Variants in RBFOX1 observed in about 807,000 individuals in gnomAD.
RBFOX1 encodes RNA binding protein fox-1 homolog 1.
RBFOX1 carries 8 observed loss-of-function variants against 57.7 expected under a neutral mutation model. The observed-to-expected ratio is 0.14, with a 90% CI of 0.08 to 0.25. RBFOX1 has a LOEUF of 0.25. Among genes scored for constraint, RBFOX1 ranks in the 10% least tolerant of loss-of-function variants. The probability of loss-of-function intolerance (pLI) is 1.00; values close to 1 mark genes in which losing one functional copy is unlikely to be tolerated. For synonymous variants in RBFOX1, 326 were observed against 222.4 expected (o/e 1.47, Z -4.15); for missense variants, 611 against 548.5 (o/e 1.11, Z -1.14).
intron 2 of RBFOX1, among the ~76,000 whole-genome samples, chr16:6,637,855 C>T (rs976834269): frequency 1.3e-5 from 2 of 152,000 alleles, no homozygotes; most frequent in South Asian, 2.1e-4. Flanking sequence ...AATTCTGAAA[C>T]TCATCATCCA....
At chr16:7,574,682 G>C (rs1156861009) in intron 5 of RBFOX1, among the ~76,000 whole-genome samples, 1 of 152,092 alleles carries the variant, frequency 6.6e-6, no homozygotes, top group Non-Finnish European at 1.5e-5. Flanking sequence ...ATTGAGGGTG[G>C]GTTGGCCAGT....
rs139776144 is a variant in RBFOX1, at chr16:7,020,510, C to T, written c.-15-31547C>T. Among the ~76,000 whole-genome samples, 67 of 152,168 alleles carry T rather than the reference C, an allele frequency of 4.4e-4. 1 individual carries two copies. The highest frequency in any genetic ancestry group is 1.4e-3 in the African/African-American group (59 of 41,526). On this transcript the variant is annotated intron_variant, in intron 3 of 15. Transcript: ENST00000550418. ...CTGGGATTTCAGGCGTCAGCCACCG[C>T]GCCCAGCCAATCTAAAATATTTTCA...
chr16:6,179,268 G>A (rs1246933259), intron 1 of RBFOX1, among the ~76,000 whole-genome samples: 1 of 152,118 alleles, frequency 6.6e-6, no homozygotes, highest in African/African-American at 2.4e-5. Flanking sequence ...GATGATGTAG[G>A]CAATTTCTTA....
At chr16:6,628,929 C>T (rs1024644210) in intron 2 of RBFOX1, among the ~76,000 whole-genome samples, 3 of 152,150 alleles carry the variant, frequency 2.0e-5, no homozygotes, top group African/African-American at 7.2e-5. Flanking sequence ...ACTAGGGAGG[C>T]TGAGACAGGA....
chr16:6,973,527 G>A (rs1014707759), intron 3 of RBFOX1, among the ~76,000 whole-genome samples: 1 of 152,176 alleles, frequency 6.6e-6, no homozygotes. Context: ...GAAGCTCAAC[G>A]TTGATTTTTC....
chr16:7,140,850 G>A (rs1051159106), intron 4 of RBFOX1, among the ~76,000 whole-genome samples: 2 of 152,214 alleles, frequency 1.3e-5, no homozygotes, highest in African/African-American at 4.8e-5. Flanking sequence ...GACTCCAGGA[G>A]CAGGATTTCA....
At chr16:5,283,683 G>T (rs922591083) in intron 1 of RBFOX1, among the ~76,000 whole-genome samples, 5 of 152,122 alleles carry the variant, frequency 3.3e-5, no homozygotes, top group Non-Finnish European at 7.4e-5. Context: ...CTTTGTTTTG[G>T]CAATTTTCTC....
chr16:5,678,206 G>A (rs981444329), intron 3 of RBFOX1, among the ~76,000 whole-genome samples: 1 of 152,170 alleles, frequency 6.6e-6, no homozygotes, highest in East Asian at 1.9e-4. Flanking sequence ...GCAGCCCACA[G>A]ATGCAGGGAG....
intron 1 of RBFOX1, among the ~76,000 whole-genome samples, chr16:5,357,626 C>G (rs908962329): frequency 5.3e-5 from 8 of 152,166 alleles, no homozygotes; most frequent in African/African-American, 1.9e-4. Context: ...TAACAAACTC[C>G]CAGGTGATGG....
At chr16:7,221,383 A>G (rs867398678) in intron 4 of RBFOX1, among the ~76,000 whole-genome samples, 1 of 151,168 alleles carries the variant, frequency 6.6e-6, no homozygotes, top group Non-Finnish European at 1.5e-5. Context: ...TTATTTATTT[A>G]TGAGACAGAG....
chr16:7,335,430 A>G (rs1457726095), intron 4 of RBFOX1, among the ~76,000 whole-genome samples: 1 of 152,206 alleles, frequency 6.6e-6, no homozygotes, highest in East Asian at 1.9e-4. Flanking sequence ...CATAGTGTCC[A>G]CTTGGAAGGA....
At chr16:5,773,917 C>T (rs1305365165) in intron 3 of RBFOX1, among the ~76,000 whole-genome samples, 2 of 152,122 alleles carry the variant, frequency 1.3e-5, no homozygotes, top group African/African-American at 4.8e-5. Flanking sequence ...TGGTCTCGAT[C>T]TACTGACCTC....
At chr16:5,993,815 G>A (rs1194276740) in intron 4 of RBFOX1, among the ~76,000 whole-genome samples, 4 of 152,120 alleles carry the variant, frequency 2.6e-5, no homozygotes, top group South Asian at 2.1e-4. Context: ...CGAATGGTTC[G>A]TTTAAGTTAA....
intron 1 of RBFOX1, among the ~76,000 whole-genome samples, chr16:6,288,134 T>G (rs537273939): frequency 6.6e-6 from 1 of 152,292 alleles, no homozygotes; most frequent in South Asian, 2.1e-4. Context: ...TCTCATTCAG[T>G]TTACAAACAG....
At position 7,049,060 on chromosome 16, in the gene RBFOX1, G is replaced by C. The variant is rs558318447; in HGVS notation, c.-15-2997G>C. 5.9e-5 allele frequency among the ~76,000 whole-genome samples: 9 copies of C among 152,266 alleles called. No individual in the cohort carries two copies. The South Asian group carries it at 1.0e-3, about 18-fold the overall frequency. On this transcript the variant is annotated intron_variant, in intron 3 of 15. Transcript: ENST00000550418. Reference sequence around the variant, plus strand: ...ATTTTAGGGTCAGATACAGACATGAGCACAGAGGTCAGTGCAGGAGTTTAT... The same window carrying C: ...ATTTTAGGGTCAGATACAGACATGACCACAGAGGTCAGTGCAGGAGTTTAT...
At chr16:5,644,271 A>G (rs1458905151) in intron 3 of RBFOX1, among the ~76,000 whole-genome samples, 1 of 152,232 alleles carries the variant, frequency 6.6e-6, no homozygotes, top group African/African-American at 2.4e-5. Flanking sequence ...TATGAAGGAC[A>G]ATGCAATTTA....
chr16:7,661,714 T>A (rs2067793199), intron 12 of RBFOX1, among the ~76,000 whole-genome samples: 3 of 152,232 alleles, frequency 2.0e-5, no homozygotes. Context: ...CGCATAGTAG[T>A]TGGGGTACAG....
chr16:6,534,382 G>T (rs987599434), intron 2 of RBFOX1, among the ~76,000 whole-genome samples: 1 of 152,074 alleles, frequency 6.6e-6, no homozygotes, highest in Non-Finnish European at 1.5e-5. Context: ...GGAGAAATTG[G>T]CCTATGGGGA....
At chr16:5,607,532 G>C (rs1011964426) in intron 3 of RBFOX1, among the ~76,000 whole-genome samples, 3 of 152,168 alleles carry the variant, frequency 2.0e-5, no homozygotes, top group African/African-American at 7.2e-5. Flanking sequence ...GGGTTTCAAT[G>C]TTGGCATTGA....
Sources: allele counts gnomAD v4.1 joint callset (sites outside exome capture counted in the v4.1 genomes callset), GRCh38; gene constraint gnomAD v4.1.1; transcripts MANE v1.5; gene names NCBI Gene and HGNC (gene_info 2026-07-23, HGNC 2026-07-21).